MECOM: variants seen among roughly 807,000 people sequenced by gnomAD.
The protein encoded by MECOM is MDS1 and EVI1 complex locus.
A neutral mutation model predicts 116.3 loss-of-function variants in MECOM; 13 were observed. That is an observed-to-expected ratio of 0.11 (90% CI 0.07 to 0.18). The LOEUF is 0.18. Among genes scored for constraint, MECOM ranks in the 10% least tolerant of loss-of-function variants. MECOM has a pLI of 1.00. For missense variants in MECOM, 1,299 were observed against 1,509.0 expected, an observed-to-expected ratio of 0.86 and a Z score of 2.31; for synonymous variants, 528 against 535.2, an observed-to-expected ratio of 0.99 and a Z score of 0.19.
chr3:169,324,998 G>C (rs1315035737), intron 2 of MECOM, among the ~76,000 whole-genome samples: 1 of 152,008 alleles, frequency 6.6e-6, no homozygotes, highest in Non-Finnish European at 1.5e-5. Context: ...ACTACTCACA[G>C]CTCATATTTT....
intron 1 of MECOM, among the ~76,000 whole-genome samples, chr3:169,567,528 C>A (rs1763380264): frequency 6.6e-6 from 1 of 152,234 alleles, no homozygotes; most frequent in African/African-American, 2.4e-5. Context: ...AGTAAAGCAA[C>A]CCAATCCTTA....
chr3:169,140,791 G>A (rs947943902), intron 3 of MECOM, among the ~76,000 whole-genome samples: 1 of 136,446 alleles, frequency 7.3e-6, no homozygotes, highest in African/African-American at 2.7e-5. Flanking sequence ...TATGGGGAAA[G>A]TGGTAACTGG....
At chr3:169,545,721 G>C (rs944810886) in intron 1 of MECOM, among the ~76,000 whole-genome samples, 5 of 152,134 alleles carry the variant, frequency 3.3e-5, no homozygotes, top group Admixed American at 3.3e-4. Context: ...CTCTGCCTGA[G>C]AGTCAATACT....
chr3:169,456,660 A>G (rs1746555684), intron 1 of MECOM, among the ~76,000 whole-genome samples: 1 of 152,090 alleles, frequency 6.6e-6, no homozygotes, highest in African/African-American at 2.4e-5. Flanking sequence ...CCACTCCACG[A>G]TTCAAATTCC....
intron 2 of MECOM, among the ~76,000 whole-genome samples, chr3:169,231,471 G>A (rs184891227): frequency 6.6e-6 from 1 of 152,216 alleles, no homozygotes; most frequent in Admixed American, 6.5e-5. Context: ...TGAGTGAGAT[G>A]AAGGACATTT....
At chr3:169,352,259 T>G (rs1029998697) in intron 2 of MECOM, among the ~76,000 whole-genome samples, 1 of 151,918 alleles carries the variant, frequency 6.6e-6, no homozygotes, top group Non-Finnish European at 1.5e-5. Flanking sequence ...CTGAGTTAGA[T>G]TTAAAGAAAT....
At chr3:169,460,147 A>G (rs1009817520) in intron 1 of MECOM, among the ~76,000 whole-genome samples, 3 of 152,152 alleles carry the variant, frequency 2.0e-5, no homozygotes, top group Admixed American at 6.6e-5. Flanking sequence ...TGGGAACACT[A>G]GACAATACTG....
intron 1 of MECOM, among the ~76,000 whole-genome samples, chr3:169,518,056 G>C (rs879364842): frequency 6.6e-6 from 1 of 152,136 alleles, no homozygotes; most frequent in Non-Finnish European, 1.5e-5. Context: ...TCAGGAGATC[G>C]AGACCATCCT....
intron 1 of MECOM, among the ~76,000 whole-genome samples, chr3:169,432,433 T>TC (rs1335758912): frequency 1.3e-5 from 2 of 152,176 alleles, no homozygotes; most frequent in African/African-American, 2.4e-5. Flanking sequence ...GCTGGGATTA[T>TC]AGGCGTGAGC....
chr3:169,443,048 A>G (rs550705394), intron 1 of MECOM, among the ~76,000 whole-genome samples: 1 of 147,896 alleles, frequency 6.8e-6, no homozygotes, highest in Non-Finnish European at 1.5e-5. Context: ...CACAGCATCA[A>G]AAAAAAAATT....
chr3:169,240,991 T>C (rs772284992), intron 2 of MECOM, among the ~76,000 whole-genome samples: 1 of 152,132 alleles, frequency 6.6e-6, no homozygotes, highest in Non-Finnish European at 1.5e-5. Flanking sequence ...GCTGCAGGTG[T>C]TGCACTAAAT....
intron 1 of MECOM, among the ~76,000 whole-genome samples, chr3:169,531,274 A>G (rs2109146317): frequency 6.6e-6 from 1 of 152,306 alleles, no homozygotes; most frequent in Non-Finnish European, 1.5e-5. Flanking sequence ...AGACACACTT[A>G]ACTGTTTCAT....
rs556038383 is a variant in MECOM at position 169,500,948 on chromosome 3, A to G, written c.38-119424T>C. 1.6e-4 allele frequency among the ~76,000 whole-genome samples: 24 copies of G among 152,160 alleles called. 1 individual carries two copies. In the South Asian group the frequency reaches 4.3e-3, roughly 28 times the overall value. ...AAAGTTTTAATAAAGAAAAGTTTTA[A>G]GAAAAATCAATTTATTCTTAATCTA... On this transcript the variant is annotated intron_variant, in intron 1 of 16. Coordinates refer to ENST00000651503, the MANE Select transcript of MECOM (RefSeq NM_004991.4).
chr3:169,417,036 C>T (rs1282163887), intron 1 of MECOM, among the ~76,000 whole-genome samples: 1 of 152,016 alleles, frequency 6.6e-6, no homozygotes, highest in East Asian at 1.9e-4. Context: ...CCATTCAGGA[C>T]ATAGGCGTGG....
intron 1 of MECOM, among the ~76,000 whole-genome samples, chr3:169,404,880 C>CGTT (rs2108417372): frequency 6.6e-6 from 1 of 152,278 alleles, no homozygotes; most frequent in African/African-American, 2.4e-5. Flanking sequence ...TCCAAGGAAA[C>CGTT]CTCCCATTCC....
intron 1 of MECOM, among the ~76,000 whole-genome samples, chr3:169,403,402 C>T (rs1383386829): frequency 2.0e-5 from 3 of 152,198 alleles, no homozygotes; most frequent in Admixed American, 6.5e-5. Context: ...TCCCAAGAGT[C>T]TCATTGTAAT....
chr3:169,511,215 TTCTTTGAA>T (rs1457044332), intron 1 of MECOM, among the ~76,000 whole-genome samples: 1 of 152,232 alleles, frequency 6.6e-6, no homozygotes, highest in Admixed American at 6.5e-5. Context: ...AGACTCAGGT[TTCTTTGAA>T]TTTCAGTAAG....
intron 1 of MECOM, among the ~76,000 whole-genome samples, chr3:169,494,850 G>A (rs931019057): frequency 6.6e-6 from 1 of 152,138 alleles, no homozygotes; most frequent in African/African-American, 2.4e-5. Flanking sequence ...TTTCAGCCAT[G>A]GTGCCATTCA....
chr3:169,589,748 G>A (rs1377885402), intron 1 of MECOM, among the ~76,000 whole-genome samples: 2 of 151,984 alleles, frequency 1.3e-5, no homozygotes, highest in African/African-American at 4.8e-5. Context: ...CATCTTCATC[G>A]CCACACTGCA....
Sources: gnomAD v4.1 joint callset for allele counts (sites outside exome capture counted in the v4.1 genomes callset) on GRCh38, gnomAD v4.1.1 for gene constraint, MANE v1.5 for transcripts, NCBI Gene and HGNC (gene_info 2026-07-23, HGNC 2026-07-21) for gene names.